Variants in AUTS2 observed in about 807,000 individuals in gnomAD.
AUTS2 encodes autism susceptibility gene 2 protein.
Under a neutral mutation model 112.4 loss-of-function variants are expected in AUTS2, and 17 were observed. The ratio of observed to expected loss-of-function variants is 0.15; its 90% CI spans 0.10 to 0.23. The LOEUF (loss-of-function observed/expected upper bound fraction) is 0.23, where lower values mean the gene tolerates loss of function less well. Ranked by LOEUF, AUTS2 falls within the 10% of genes least tolerant of loss-of-function variation. The pLI is 1.00. For missense variants in AUTS2, 1,510 were observed against 1,701.6 expected, an observed-to-expected ratio of 0.89 and a Z score of 1.98; for synonymous variants, 751 against 702.7, an observed-to-expected ratio of 1.07 and a Z score of -1.09.
intron 2 of AUTS2, among the ~76,000 whole-genome samples, chr7:70,062,256 A>G (rs550396623): frequency 6.6e-6 from 1 of 151,900 alleles, no homozygotes; most frequent in African/African-American, 2.4e-5. Flanking sequence ...CATGCCTGTA[A>G]TCCCAGCACT....
At chr7:70,041,270 T>C (rs1432904005) in intron 2 of AUTS2, among the ~76,000 whole-genome samples, 1 of 152,296 alleles carries the variant, frequency 6.6e-6, no homozygotes, top group East Asian at 1.9e-4. Flanking sequence ...AAAAATATTA[T>C]CCATAAAATA....
chr7:70,349,990 C>CT (rs1791675308), intron 4 of AUTS2, among the ~76,000 whole-genome samples: 1 of 152,186 alleles, frequency 6.6e-6, no homozygotes, highest in Non-Finnish European at 1.5e-5. Context: ...CTGTTGGCCA[C>CT]TACAAAAGGT....
chr7:70,221,125 C>T (rs1811463073), intron 4 of AUTS2, among the ~76,000 whole-genome samples: 1 of 152,204 alleles, frequency 6.6e-6, no homozygotes, highest in Admixed American at 6.5e-5. Context: ...CCAGAGTGGT[C>T]TCAAACTCCT....
chr7:69,686,857 C>G (rs951245813), intron 1 of AUTS2, among the ~76,000 whole-genome samples: 4 of 152,194 alleles, frequency 2.6e-5, no homozygotes, highest in Non-Finnish European at 5.9e-5. Flanking sequence ...AGCTCCTTAT[C>G]TCACCTATAC....
At chr7:70,768,250 T>C (rs1790063520) in intron 10 of AUTS2, among the ~76,000 whole-genome samples, 182 bp downstream of exon 10, 1 of 152,200 alleles carries the variant, frequency 6.6e-6, no homozygotes, top group African/African-American at 2.4e-5. Context: ...TGCAGTATCA[T>C]CTTCTGAATC....
intron 1 of AUTS2, among the ~76,000 whole-genome samples, chr7:69,754,117 C>T (rs1161770570): frequency 6.6e-6 from 1 of 152,098 alleles, no homozygotes; most frequent in Non-Finnish European, 1.5e-5. Context: ...CTGGTGTCTT[C>T]ACAGGTGACT....
intron 5 of AUTS2, among the ~76,000 whole-genome samples, chr7:70,594,562 A>G (rs574178363): frequency 1.3e-5 from 2 of 152,308 alleles, no homozygotes; most frequent in African/African-American, 2.4e-5. Context: ...GAGCCCTTCT[A>G]GACTCTGTGT....
chr7:70,025,981 T>C (rs1800504316), intron 2 of AUTS2, among the ~76,000 whole-genome samples: 1 of 152,160 alleles, frequency 6.6e-6, no homozygotes, highest in Non-Finnish European at 1.5e-5. Context: ...CGAAAAGCTG[T>C]AAGGAGTGTC....
At position 69,619,113 on chromosome 7, in the gene AUTS2, A is replaced by G. The variant is rs1793527714; in HGVS notation, c.309+19151A>G. On this transcript the variant is annotated intron_variant, in intron 1 of 18. Transcript: ENST00000342771. ...GCCATGTGTGGTACTCCTGGACTTT[A>G]TATTTCATTTTCTTAAAGCATTTTT... Among the ~76,000 whole-genome samples, 12 of 152,200 alleles carry G rather than the reference A, an allele frequency of 7.9e-5. No individual in the cohort carries two copies. The South Asian group carries it at 2.5e-3, about 32-fold the overall frequency.
intron 1 of AUTS2, among the ~76,000 whole-genome samples, chr7:69,784,943 C>T (rs746827224): frequency 1.8e-4 from 27 of 151,944 alleles, no homozygotes; most frequent in Non-Finnish European, 2.8e-4. Flanking sequence ...TCCTTGCTGT[C>T]GTGAACCTTA....
chr7:69,718,594 G>T (rs1798747608), intron 1 of AUTS2, among the ~76,000 whole-genome samples: 2 of 151,838 alleles, frequency 1.3e-5, no homozygotes, highest in African/African-American at 4.8e-5. Flanking sequence ...GATTACATTG[G>T]GCCCACCCTG....
chr7:70,721,689 C>G (rs2129551408), intron 6 of AUTS2, among the ~76,000 whole-genome samples: 1 of 152,188 alleles, frequency 6.6e-6, no homozygotes, highest in South Asian at 2.1e-4. Flanking sequence ...AGATATTGAC[C>G]CTGAGTCTAT....
intron 5 of AUTS2, among the ~76,000 whole-genome samples, chr7:70,544,772 C>A (rs906519148): frequency 6.6e-6 from 1 of 152,098 alleles, no homozygotes; most frequent in African/African-American, 2.4e-5. Flanking sequence ...AGCAGGTTTC[C>A]CTTGAGATCT....
At chr7:70,739,977 C>G (rs1328129612) in intron 6 of AUTS2, among the ~76,000 whole-genome samples, 1 of 152,150 alleles carries the variant, frequency 6.6e-6, no homozygotes, top group African/African-American at 2.4e-5. Flanking sequence ...CTCCCCTCAT[C>G]CACTACCAAG....
intron 4 of AUTS2, among the ~76,000 whole-genome samples, chr7:70,164,014 A>AAC (rs1264793715): frequency 1.3e-5 from 2 of 152,188 alleles, no homozygotes; most frequent in Non-Finnish European, 2.9e-5. Flanking sequence ...CATGGGAAGA[A>AAC]ACGCAGACAC....
intron 4 of AUTS2, among the ~76,000 whole-genome samples, chr7:70,418,709 A>G (rs531698171): frequency 1.3e-5 from 2 of 149,490 alleles, no homozygotes; most frequent in East Asian, 4.3e-4. Flanking sequence ...GCCGTTGTGC[A>G]TGTGTATCTT....
intron 1 of AUTS2, among the ~76,000 whole-genome samples, chr7:69,664,480 T>C (rs1795940875): frequency 6.6e-6 from 1 of 152,230 alleles, no homozygotes; most frequent in African/African-American, 2.4e-5. Context: ...GTTCAGTATA[T>C]GATTAACCTA....
intron 2 of AUTS2, among the ~76,000 whole-genome samples, chr7:70,044,447 C>T (rs578222489): frequency 6.6e-6 from 1 of 151,988 alleles, no homozygotes; most frequent in African/African-American, 2.4e-5. Context: ...TTTGGGATGG[C>T]CTGGGGATGG....
intron 4 of AUTS2, among the ~76,000 whole-genome samples, chr7:70,281,740 A>G (rs779390204): frequency 6.6e-6 from 1 of 152,246 alleles, no homozygotes; most frequent in Non-Finnish European, 1.5e-5. Flanking sequence ...TCAGATCTAC[A>G]TATTGTATCA....
Sources: gnomAD v4.1 joint callset for allele counts (sites outside exome capture counted in the v4.1 genomes callset) on GRCh38, gnomAD v4.1.1 for gene constraint, MANE v1.5 for transcripts, NCBI Gene and HGNC (gene_info 2026-07-23, HGNC 2026-07-21) for gene names.